ETFA: variants seen among roughly 807,000 people sequenced by gnomAD.
ETFA encodes electron transfer flavoprotein subunit alpha, mitochondrial.
In ETFA, 22 loss-of-function variants were observed where a neutral mutation model predicts 46.2. The ratio of observed to expected loss-of-function variants is 0.48; its 90% CI spans 0.34 to 0.68. ETFA has a LOEUF of 0.68. Among genes scored for constraint, ETFA ranks in the 30% least tolerant of loss-of-function variants. The probability of loss-of-function intolerance (pLI) is 0.01; values close to 1 mark genes in which losing one functional copy is unlikely to be tolerated. For synonymous variants in ETFA, 131 were observed against 139.9 expected (o/e 0.94, Z 0.45); for missense variants, 345 against 401.1 (o/e 0.86, Z 1.19).
At chr15:76,226,188 CA>C (rs1221294119) in intron 10 of ETFA, 157 of 366,774 alleles carry the variant, frequency 4.3e-4, no homozygotes, top group Middle Eastern at 7.8e-4. Flanking sequence ...TTTTGACTTA[CA>C]AAAAAAATAT....
chr15:76,306,491 C>G (rs1353048185), intron 1 of ETFA, among the ~76,000 whole-genome samples: 1 of 151,802 alleles, frequency 6.6e-6, no homozygotes, highest in Non-Finnish European at 1.5e-5. Context: ...ATCTCAAACT[C>G]CTGACCTCGT....
At chr15:76,298,027 G>T (rs561905908) in intron 1 of ETFA, among the ~76,000 whole-genome samples, 3 of 151,550 alleles carry the variant, frequency 2.0e-5, no homozygotes, top group Non-Finnish European at 4.4e-5. Context: ...AAATTTAGGA[G>T]GATGAATCAG....
At chr15:76,251,532 C>T (rs1271407664) in intron 9 of ETFA, among the ~76,000 whole-genome samples, 1 of 152,172 alleles carries the variant, frequency 6.6e-6, no homozygotes, top group African/African-American at 2.4e-5. Context: ...TTGTAGAGAT[C>T]TGGGGCTATG....
chr15:76,249,710 G>A (rs2039279668), intron 9 of ETFA, among the ~76,000 whole-genome samples: 1 of 151,994 alleles, frequency 6.6e-6, no homozygotes, highest in Non-Finnish European at 1.5e-5. Flanking sequence ...CAAAGTGCTG[G>A]GATTACAGGT....
At chr15:76,274,578 C>A in intron 8 of ETFA, 84 bp from the exon 9 acceptor site, 2 of 1,088,214 alleles carry the variant, frequency 1.8e-6, no homozygotes, top group Non-Finnish European at 2.8e-6. Context: ...TAAACAAAGA[C>A]ATTGATTTAG....
At chr15:76,241,351 C>A (rs1488647070) in intron 9 of ETFA, among the ~76,000 whole-genome samples, 4 of 151,810 alleles carry the variant, frequency 2.6e-5, no homozygotes, top group African/African-American at 9.7e-5. Context: ...AAATAAAAAA[C>A]AAATTAGCTG....
chr15:76,301,819 A>G (rs1596227367), intron 1 of ETFA, among the ~76,000 whole-genome samples: 1 of 152,078 alleles, frequency 6.6e-6, no homozygotes, highest in East Asian at 1.9e-4. Flanking sequence ...AGACTTATCT[A>G]AAAAAAATAA....
chr15:76,254,745 T>C (rs1433347441), intron 9 of ETFA, among the ~76,000 whole-genome samples: 1 of 152,370 alleles, frequency 6.6e-6, no homozygotes, highest in Admixed American at 6.5e-5. Context: ...TGTATTTTTA[T>C]GTTTCCTAAA....
chr15:76,216,343 T>A lies in ETFA; in HGVS notation c.*216A>T, dbSNP rs1803550. On this transcript the variant is annotated 3_prime_UTR_variant, in exon 12 of 12. Transcript: ENST00000557943. ...TTATTATAGATTTTAGTACAGAATTTAAAAAGTTCAAACAATAATTGTTTG... is the reference window on the plus strand; with the variant it reads ...TTATTATAGATTTTAGTACAGAATTAAAAAAGTTCAAACAATAATTGTTTG... 525,983 of 530,574 alleles carry A rather than the reference T, an allele frequency of 0.99. 260,841 individuals are homozygous for A. Among genetic ancestry groups the A allele is most frequent in the Non-Finnish European group, 1 (301,569 of 301,746 alleles). 32.9% of individuals were successfully genotyped at this position (530,574 alleles called of 1,614,324 possible). A position where few individuals can be genotyped will look rare whatever the true frequency, so the allele number is the denominator to read the frequency against.
chr15:76,247,598 A>G (rs2039255371), intron 9 of ETFA, among the ~76,000 whole-genome samples: 1 of 152,092 alleles, frequency 6.6e-6, no homozygotes, highest in Non-Finnish European at 1.5e-5. Flanking sequence ...TTTAATCAGT[A>G]CATTTTTTTT....
intron 4 of ETFA, among the ~76,000 whole-genome samples, chr15:76,288,933 T>TTTTTTTTTTTTG (rs1567216848): frequency 6.7e-6 from 1 of 148,176 alleles, no homozygotes. Flanking sequence ...TTTTTTTTTT[T>TTTTTTTTTTTTG]TTGGAAACAG....
intron 11 of ETFA, chr15:76,217,714 T>C (rs1596184430): frequency 2.3e-6 from 1 of 426,726 alleles, no homozygotes; most frequent in Non-Finnish European, 4.8e-6. Flanking sequence ...TGAAAACTGG[T>C]CCAGCCACTT....
At chr15:76,260,575 T>C (rs1457259721) in intron 9 of ETFA, 12 of 1,503,190 alleles carry the variant, frequency 8.0e-6, no homozygotes, top group Non-Finnish European at 1.1e-5. Context: ...AAATTGGCCC[T>C]GGTCCCCTCC....
intron 9 of ETFA, among the ~76,000 whole-genome samples, chr15:76,252,659 G>A (rs114430298): frequency 0.035 from 5,365 of 152,128 alleles, 296 homozygotes; most frequent in African/African-American, 0.12. Flanking sequence ...GCCCTAAAGT[G>A]GATTCTGTAT....
In ETFA at chr15:76,231,314, A is replaced by G. The variant is rs1199475657; in HGVS notation, c.882+19T>C. 3.9e-6 allele frequency: 6 copies of G among 1,521,784 alleles called. No homozygotes were observed. Among genetic ancestry groups the G allele is most frequent in the Non-Finnish European group, 5.5e-6 (6 of 1,095,944 alleles). 94.3% of individuals were successfully genotyped at this position (1,521,784 alleles called of 1,614,324 possible). On this transcript the variant is annotated intron_variant, in intron 10 of 11. Coordinates refer to ENST00000557943, the MANE Select transcript of ETFA (RefSeq NM_000126.4). ...AAATGTGGAAACGTTTTCTTTTAAC[A>G]TCACTGATGTACAATTACCTTGCTG...
chr15:76,236,880 G>C (rs762003382), intron 9 of ETFA, among the ~76,000 whole-genome samples: 2 of 152,166 alleles, frequency 1.3e-5, no homozygotes, highest in Non-Finnish European at 2.9e-5. Flanking sequence ...TAAAACTCTA[G>C]ATGGACCTGA....
chr15:76,233,691 A>AT (rs2039093277), intron 9 of ETFA, among the ~76,000 whole-genome samples: 1 of 152,200 alleles, frequency 6.6e-6, no homozygotes, highest in Non-Finnish European at 1.5e-5. Flanking sequence ...ATAAAGGGAC[A>AT]TTTGTTAAAC....
At chr15:76,290,327 G>A (rs1201830086) in intron 4 of ETFA, among the ~76,000 whole-genome samples, 1 of 114,908 alleles carries the variant, frequency 8.7e-6, no homozygotes, top group Non-Finnish European at 1.9e-5. Flanking sequence ...AGCCAAAGTC[G>A]CTACTCTTTT....
At chr15:76,277,743 T>C (rs1004305173) in intron 8 of ETFA, among the ~76,000 whole-genome samples, 1 of 152,178 alleles carries the variant, frequency 6.6e-6, no homozygotes, top group African/African-American at 2.4e-5. Flanking sequence ...CCTCAAATGA[T>C]CTGCCCACCT....
Sources: gnomAD v4.1 joint callset for allele counts (sites outside exome capture counted in the v4.1 genomes callset) on GRCh38, gnomAD v4.1.1 for gene constraint, MANE v1.5 for transcripts, NCBI Gene and HGNC (gene_info 2026-07-23, HGNC 2026-07-21) for gene names.